RIT2: variants seen among roughly 807,000 people sequenced by gnomAD.
RIT2 encodes Ras like without CAAX 2.
A neutral mutation model predicts 23.7 loss-of-function variants in RIT2; 24 were observed. The observed-to-expected ratio is 1.01, with a 90% CI of 0.73 to 1.43. The LOEUF (loss-of-function observed/expected upper bound fraction) is 1.43. Among genes scored for constraint, RIT2 ranks in the 40% most tolerant of loss-of-function variants. RIT2 has a pLI of 0.00. For synonymous variants in RIT2, 107 were observed against 91.1 expected (o/e 1.17, Z -0.99); for missense variants, 236 against 266.9 (o/e 0.88, Z 0.81).
chr18:42,948,641 T>A (rs952627086), intron 3 of RIT2, among the ~76,000 whole-genome samples: 4 of 152,114 alleles, frequency 2.6e-5, no homozygotes, highest in Admixed American at 6.6e-5. Flanking sequence ...ATCTGACTTG[T>A]CTGAGGTATT....
intron 4 of RIT2, among the ~76,000 whole-genome samples, chr18:42,900,179 C>T (rs936437294): frequency 1.3e-5 from 2 of 151,990 alleles, no homozygotes; most frequent in African/African-American, 2.4e-5. Context: ...GCTTTTCATT[C>T]TACGAAATTT....
chr18:42,838,095 T>C (rs183440639), intron 4 of RIT2, among the ~76,000 whole-genome samples: 9 of 152,338 alleles, frequency 5.9e-5, no homozygotes, highest in Admixed American at 4.6e-4. Flanking sequence ...AATCGGATTC[T>C]TCATTACACA....
chr18:42,869,473 A>C (rs907476970), intron 4 of RIT2, among the ~76,000 whole-genome samples: 1 of 152,304 alleles, frequency 6.6e-6, no homozygotes, highest in South Asian at 2.1e-4. Context: ...TTAGATAATA[A>C]CTGCTCAGAG....
chr18:42,812,351 T>C (rs1470429227), intron 4 of RIT2, among the ~76,000 whole-genome samples: 1 of 152,186 alleles, frequency 6.6e-6, no homozygotes, highest in Non-Finnish European at 1.5e-5. Context: ...AGTAGAATTG[T>C]CTGCCAACTT....
At position 42,942,775 on chromosome 18, in the gene RIT2, A is replaced by G. The variant is rs73473654; in HGVS notation, c.235-19012T>C. Among the ~76,000 whole-genome samples the G allele has an allele frequency of 7.5e-3, 1,143 of 152,230 alleles. 16 individuals carry two copies. Among genetic ancestry groups the G allele is most frequent in the African/African-American group, 0.026 (1,098 of 41,528 alleles). ...CACCCTGAGCTGTCAGGATAGGAAAAGGAGTAAATGAATGAATACAAATTA... is the reference window on the plus strand; with the variant it reads ...CACCCTGAGCTGTCAGGATAGGAAAGGGAGTAAATGAATGAATACAAATTA... On this transcript the variant is annotated intron_variant, in intron 3 of 4. Coordinates refer to ENST00000326695, the MANE Select transcript of RIT2 (RefSeq NM_002930.4).
At chr18:42,838,615 C>T (rs1442387019) in intron 4 of RIT2, among the ~76,000 whole-genome samples, 1 of 152,080 alleles carries the variant, frequency 6.6e-6, no homozygotes, top group Non-Finnish European at 1.5e-5. Context: ...TACTAAGAGG[C>T]AGCATTAGTA....
rs549908033 is a variant in RIT2, at chr18:42,810,095, T to C, written c.427-66375A>G. Among the ~76,000 whole-genome samples, 121 of 147,704 alleles carry C rather than the reference T, an allele frequency of 8.2e-4. 3 individuals are homozygous for C. Among genetic ancestry groups the C allele is most frequent in the Admixed American group, 7.7e-3 (113 of 14,656 alleles). On this transcript the variant is annotated intron_variant, in intron 4 of 4. Coordinates refer to ENST00000326695, the MANE Select transcript of RIT2 (RefSeq NM_002930.4). ...TATACATAACATATATATTAAATTA[T>C]CAAAACTATGTATATCTATTATGTA... is the stretch of plus-strand genomic sequence containing the variant.
intron 4 of RIT2, among the ~76,000 whole-genome samples, chr18:42,838,329 T>C (rs1487975918): frequency 6.8e-6 from 1 of 148,016 alleles, no homozygotes; most frequent in African/African-American, 2.5e-5. Flanking sequence ...CCCAAAACTT[T>C]ATTCTGCATA....
At chr18:43,020,066 T>G (rs1911560765) in intron 2 of RIT2, among the ~76,000 whole-genome samples, 1 of 152,114 alleles carries the variant, frequency 6.6e-6, no homozygotes, top group South Asian at 2.1e-4. Flanking sequence ...AGACATTCCA[T>G]GTTAATGCAT....
At chr18:42,974,239 T>A (rs530861342) in intron 2 of RIT2, 92 bp from the exon 3 acceptor site, 6 of 784,874 alleles carry the variant, frequency 7.6e-6, no homozygotes, top group South Asian at 6.7e-5. Flanking sequence ...CTAAGTAAGT[T>A]ACTAAGATAA....
chr18:43,030,697 A>C (rs1327984750), intron 2 of RIT2, among the ~76,000 whole-genome samples: 1 of 152,186 alleles, frequency 6.6e-6, no homozygotes, highest in East Asian at 1.9e-4. Flanking sequence ...GACAGTTTTA[A>C]AACCTGTTAT....
chr18:42,869,370 T>C (rs145500851), intron 4 of RIT2, among the ~76,000 whole-genome samples: 48 of 152,344 alleles, frequency 3.2e-4, no homozygotes, highest in African/African-American at 1.2e-3. Flanking sequence ...GCTCATCTCC[T>C]GCAGCCCGGT....
In RIT2 at chr18:42,743,282, A is replaced by G. The variant is rs1269180216; in HGVS notation, c.*211T>C. The G allele has an allele frequency of 8.6e-6, 5 of 578,440 alleles. No individual in the cohort carries two copies. The highest frequency in any genetic ancestry group is 1.5e-5 in the Non-Finnish European group (5 of 326,382). 35.8% of individuals were successfully genotyped at this position (578,440 alleles called of 1,614,324 possible). ...TACTATGTTGTAAAAACTAAACAGCATATCCAGCTGATTGACAAAATCCAT... is the reference window on the plus strand; with the variant it reads ...TACTATGTTGTAAAAACTAAACAGCGTATCCAGCTGATTGACAAAATCCAT... On this transcript the variant is annotated 3_prime_UTR_variant, in exon 5 of 5. Coordinates refer to ENST00000326695, the MANE Select transcript of RIT2 (RefSeq NM_002930.4).
In RIT2 at chr18:43,084,615, A is replaced by C. The variant is rs1913238964; in HGVS notation, c.103+30802T>G. Reference sequence around the variant, plus strand: ...GATGAAGCTGGAAACCATCATTCTCAGCAAACTAACACAGGAACAGAAAAC... The same window carrying C: ...GATGAAGCTGGAAACCATCATTCTCCGCAAACTAACACAGGAACAGAAAAC... On this transcript the variant is annotated intron_variant, in intron 1 of 4. Coordinates refer to ENST00000326695, the MANE Select transcript of RIT2 (RefSeq NM_002930.4). 1.3e-5 allele frequency among the ~76,000 whole-genome samples: 2 copies of C among 152,194 alleles called. 1 individual carries two copies. The highest frequency in any genetic ancestry group is 4.1e-4 in the South Asian group (2 of 4,832).
chr18:42,911,704 C>A (rs1307732917), intron 4 of RIT2, among the ~76,000 whole-genome samples: 2 of 151,882 alleles, frequency 1.3e-5, no homozygotes, highest in Non-Finnish European at 2.9e-5. Flanking sequence ...GAATAAAACA[C>A]TTCTTGAAGA....
intron 4 of RIT2, among the ~76,000 whole-genome samples, chr18:42,758,057 T>C (rs1913206212): frequency 6.6e-6 from 1 of 152,042 alleles, no homozygotes; most frequent in African/African-American, 2.4e-5. Context: ...CTTTTTCCTA[T>C]ATTTTTAGTC....
chr18:43,039,740 C>A (rs534286354), intron 1 of RIT2, among the ~76,000 whole-genome samples: 8 of 152,040 alleles, frequency 5.3e-5, no homozygotes, highest in African/African-American at 1.9e-4. Flanking sequence ...TTTGGCTCTG[C>A]GGAAGGATGT....
intron 4 of RIT2, among the ~76,000 whole-genome samples, chr18:42,783,800 A>G (rs908943238): frequency 6.7e-6 from 1 of 150,038 alleles, no homozygotes; most frequent in African/African-American, 2.5e-5. Flanking sequence ...AAAATAATTT[A>G]TTTGTAAACA....
At chr18:42,881,091 C>A (rs1310124296) in intron 4 of RIT2, among the ~76,000 whole-genome samples, 1 of 152,124 alleles carries the variant, frequency 6.6e-6, no homozygotes, top group Non-Finnish European at 1.5e-5. Flanking sequence ...CAGGCGTGAG[C>A]CACTGCACCC....
Sources: allele counts gnomAD v4.1 joint callset (sites outside exome capture counted in the v4.1 genomes callset), GRCh38; gene constraint gnomAD v4.1.1; transcripts MANE v1.5; gene names NCBI Gene and HGNC (gene_info 2026-07-23, HGNC 2026-07-21).